Variants in NKAIN2 observed in about 807,000 individuals in gnomAD.
NKAIN2 encodes sodium/potassium-transporting ATPase subunit beta-1-interacting protein 2.
NKAIN2 carries 14 observed loss-of-function variants against 32.6 expected under a neutral mutation model. The observed-to-expected ratio is 0.43, with a 90% CI of 0.28 to 0.67. NKAIN2 has a LOEUF of 0.67. Among genes scored for constraint, NKAIN2 ranks in the 30% least tolerant of loss-of-function variants. The pLI is 0.17. For synonymous variants in NKAIN2, 80 were observed against 87.2 expected (o/e 0.92, Z 0.46); for missense variants, 198 against 258.3 (o/e 0.77, Z 1.60).
intron 3 of NKAIN2, among the ~76,000 whole-genome samples, chr6:124,434,151 T>A (rs1391435145): frequency 2.0e-5 from 3 of 152,138 alleles, no homozygotes; most frequent in Admixed American, 1.3e-4. Flanking sequence ...GAGAGGTGGG[T>A]TTGGACTCAG....
chr6:124,139,078 A>ATTTTTTTTTT lies in NKAIN2; in HGVS notation c.55-143927_55-143926insTTTTTTTTTT, dbSNP rs1161013269. ...TTCCCCAAAAACTTTTTTAAATAAAAATTTTTTTTTTTTTTTTTTTTGAGA... is the reference window on the plus strand; with the variant it reads ...TTCCCCAAAAACTTTTTTAAATAAAATTTTTTTTTTATTTTTTTTTTTTTTTTTTTTGAGA... On this transcript the variant is annotated intron_variant, in intron 1 of 6. Transcript: ENST00000368417. 3.0e-4 allele frequency among the ~76,000 whole-genome samples: 22 copies of ATTTTTTTTTT among 73,518 alleles called. 1 individual carries two copies. Among genetic ancestry groups the ATTTTTTTTTT allele is most frequent in the Admixed American group, 5.6e-4 (3 of 5,366 alleles). 48.2% of individuals were successfully genotyped at this position (73,518 alleles called of 152,430 possible).
intron 1 of NKAIN2, among the ~76,000 whole-genome samples, chr6:124,094,283 A>G (rs1404449057): frequency 1.3e-5 from 2 of 152,164 alleles, no homozygotes; most frequent in Admixed American, 1.3e-4. Context: ...TCATATAGAA[A>G]AAATGATTAT....
rs1007785958 is a variant in NKAIN2 at position 124,150,113 on chromosome 6, C to A, written c.55-132892C>A. Among the ~76,000 whole-genome samples the A allele has an allele frequency of 2.0e-5, 3 of 152,090 alleles. No individual in the cohort carries two copies. The South Asian group carries it at 6.2e-4, about 32-fold the overall frequency. On this transcript the variant is annotated intron_variant, in intron 1 of 6. Transcript: ENST00000368417. ...TAGAATAGGTGTCTTCAGCTATTCT[C>A]CCCCCTGGGCTCTGCAGAACCTTCC...
chr6:124,628,886 TTAC>T (rs1783456611), intron 3 of NKAIN2, among the ~76,000 whole-genome samples: 1 of 152,136 alleles, frequency 6.6e-6, no homozygotes, highest in Non-Finnish European at 1.5e-5. Flanking sequence ...TGTACAAATA[TTAC>T]TACAAAAAAG....
At chr6:124,285,472 A>C (rs1795495044) in intron 2 of NKAIN2, among the ~76,000 whole-genome samples, 1 of 152,136 alleles carries the variant, frequency 6.6e-6, no homozygotes, top group Admixed American at 6.5e-5. Flanking sequence ...TTCTGGCAGT[A>C]AATTCCATGA....
At chr6:124,661,604 A>T (rs906492078) in intron 4 of NKAIN2, among the ~76,000 whole-genome samples, 4 of 152,180 alleles carry the variant, frequency 2.6e-5, no homozygotes, top group African/African-American at 7.2e-5. Context: ...AATTGGGACG[A>T]GGGGCTATTA....
chr6:124,274,807 TATG>T (rs1301369154), intron 1 of NKAIN2, among the ~76,000 whole-genome samples: 3 of 152,008 alleles, frequency 2.0e-5, no homozygotes, highest in Non-Finnish European at 4.4e-5. Flanking sequence ...AGATTTGTGT[TATG>T]ATAAAAAAAT....
In NKAIN2 at chr6:124,429,155, A is replaced by C. The variant is rs994080707; in HGVS notation, c.273+73808A>C. Among the ~76,000 whole-genome samples the C allele has an allele frequency of 2.0e-5, 3 of 151,380 alleles. No individual in the cohort carries two copies. In the South Asian group the frequency reaches 6.3e-4, roughly 32 times the overall value. On this transcript the variant is annotated intron_variant, in intron 3 of 6. Transcript: ENST00000368417. ...TGGGTTCAAGCAGTTCTCCTGCCTC[A>C]GCCTCTGGAGTAGCTGGGATCACGG...
chr6:124,820,163 A>G (rs148487933), intron 6 of NKAIN2, among the ~76,000 whole-genome samples: 264 of 152,288 alleles, frequency 1.7e-3, no homozygotes, highest in African/African-American at 6.0e-3. Context: ...AGCTACAACA[A>G]CAAAACATGA....
chr6:123,847,615 C>G (rs774958559), intron 1 of NKAIN2, among the ~76,000 whole-genome samples: 16 of 152,042 alleles, frequency 1.1e-4, no homozygotes, highest in Non-Finnish European at 2.1e-4. Flanking sequence ...AAAATAAATA[C>G]CAGTTTTGTC....
intron 3 of NKAIN2, among the ~76,000 whole-genome samples, chr6:124,373,510 T>A (rs778278420): frequency 4.1e-4 from 63 of 152,066 alleles, no homozygotes; most frequent in Non-Finnish European, 8.4e-4. Flanking sequence ...AGTATGTAAA[T>A]AGAGATTAAA....
intron 1 of NKAIN2, among the ~76,000 whole-genome samples, chr6:124,252,858 A>T (rs998154098): frequency 2.0e-5 from 3 of 152,150 alleles, no homozygotes; most frequent in African/African-American, 7.2e-5. Flanking sequence ...CTAATTCATG[A>T]GGTTGTTAAA....
At chr6:124,073,945 C>T (rs763143388) in intron 1 of NKAIN2, among the ~76,000 whole-genome samples, 1 of 152,106 alleles carries the variant, frequency 6.6e-6, no homozygotes, top group Non-Finnish European at 1.5e-5. Context: ...GGGGTCTCTA[C>T]GAACTCCAGG....
chr6:124,051,632 A>G (rs1230641649), intron 1 of NKAIN2, among the ~76,000 whole-genome samples: 2 of 151,882 alleles, frequency 1.3e-5, no homozygotes, highest in Admixed American at 6.6e-5. Flanking sequence ...TTAACAAGCC[A>G]ATTACCTTCT....
At chr6:124,780,097 G>T (rs1339406843) in intron 4 of NKAIN2, among the ~76,000 whole-genome samples, 1 of 152,134 alleles carries the variant, frequency 6.6e-6, no homozygotes, top group African/African-American at 2.4e-5. Context: ...CAAGCAATAA[G>T]ATTCTATTGT....
intron 1 of NKAIN2, among the ~76,000 whole-genome samples, chr6:123,969,924 CTT>C (rs1337771591): frequency 6.6e-6 from 1 of 152,024 alleles, no homozygotes; most frequent in Non-Finnish European, 1.5e-5. Flanking sequence ...AAGACATTCA[CTT>C]ATAGTGGATA....
chr6:124,710,000 A>G (rs1387884825), intron 4 of NKAIN2, among the ~76,000 whole-genome samples: 534 of 151,750 alleles, frequency 3.5e-3, no homozygotes, highest in African/African-American at 0.011. Context: ...ACACTGCTTC[A>G]AATGTGTCCC....
chr6:124,764,226 G>C (rs1384010951), intron 4 of NKAIN2, among the ~76,000 whole-genome samples: 1 of 141,290 alleles, frequency 7.1e-6, no homozygotes, highest in East Asian at 2.0e-4. Flanking sequence ...TCTCTTTAAA[G>C]TAAATTGGCA....
At chr6:124,165,615 A>C (rs1160606305) in intron 1 of NKAIN2, among the ~76,000 whole-genome samples, 1 of 150,882 alleles carries the variant, frequency 6.6e-6, no homozygotes, top group Non-Finnish European at 1.5e-5. Context: ...TGCTGCACCC[A>C]TTAACTCGTC....
Sources: allele counts gnomAD v4.1 joint callset (sites outside exome capture counted in the v4.1 genomes callset), GRCh38; gene constraint gnomAD v4.1.1; transcripts MANE v1.5; gene names NCBI Gene and HGNC (gene_info 2026-07-23, HGNC 2026-07-21).